Variants in FMR1NB observed in about 807,000 individuals in gnomAD.
FMR1NB encodes FMR1 neighbor, also known as FMR1 neighbor protein.
FMR1NB carries 10 observed loss-of-function variants against 16.8 expected under a neutral mutation model. The observed-to-expected ratio is 0.60, with a 90% CI of 0.37 to 1.01. The LOEUF (loss-of-function observed/expected upper bound fraction) is 1.01. FMR1NB is among the 50% of genes least tolerant of loss of function. The pLI is 0.01. For missense variants in FMR1NB, 205 were observed against 204.8 expected (o/e 1.00, Z 0.00); for synonymous variants, 83 against 79.1 (o/e 1.05, Z -0.26).
intron 1 of FMR1NB, among the ~76,000 whole-genome samples, chrX:147,995,489 A>C (rs1194719271): frequency 9.0e-6 from 1 of 111,534 alleles, no homozygotes; most frequent in African/African-American, 3.3e-5. Flanking sequence ...TTGCCTTTCA[A>C]GTTATATTTA....
chrX:148,002,169 T>C (rs1170308599), intron 1 of FMR1NB, among the ~76,000 whole-genome samples: 1 of 111,789 alleles, frequency 8.9e-6, no homozygotes, highest in Non-Finnish European at 1.9e-5. Flanking sequence ...GGATAACCAA[T>C]TACCTTGAAA....
intron 4 of FMR1NB, among the ~76,000 whole-genome samples, chrX:148,010,853 CT>C (rs782561997): frequency 9.0e-6 from 1 of 111,078 alleles, no homozygotes; most frequent in African/African-American, 3.3e-5. Context: ...CTGAGAATTC[CT>C]TTAAGAAAGA....
At chrX:148,023,940 C>T (rs998014703) in intron 4 of FMR1NB, among the ~76,000 whole-genome samples, 4 of 110,997 alleles carry the variant, frequency 3.6e-5, no homozygotes, top group Non-Finnish European at 7.6e-5. Flanking sequence ...GTTTGGTGAC[C>T]TCGGCAAGTT....
chrX:147,990,543 G>C (rs1050187289), intron 1 of FMR1NB, among the ~76,000 whole-genome samples: 13 of 111,616 alleles, frequency 1.2e-4, no homozygotes, highest in African/African-American at 4.2e-4. Flanking sequence ...ACAATGTGTA[G>C]TGATCAAATC....
At chrX:147,985,348 T>C (rs1292554607) in intron 1 of FMR1NB, among the ~76,000 whole-genome samples, 4 of 111,947 alleles carry the variant, frequency 3.6e-5, no homozygotes, top group African/African-American at 1.3e-4. Flanking sequence ...AGTTATGGGA[T>C]ACATGTGCAG....
chrX:147,997,403 A>G (rs1439258368), intron 1 of FMR1NB, among the ~76,000 whole-genome samples: 2 of 112,307 alleles, frequency 1.8e-5, no homozygotes, highest in East Asian at 5.6e-4. Flanking sequence ...CTGGCTAGCC[A>G]TATGCAGGAA....
At chrX:147,988,841 G>C (rs1276876565) in intron 1 of FMR1NB, among the ~76,000 whole-genome samples, 1 of 111,514 alleles carries the variant, frequency 9.0e-6, no homozygotes, top group African/African-American at 3.3e-5. Context: ...CTCGTGCTGT[G>C]TTTTTCAGCT....
intron 1 of FMR1NB, among the ~76,000 whole-genome samples, chrX:147,992,775 G>T (rs1207056672): frequency 1.3e-5 from 1 of 75,053 alleles, no homozygotes; most frequent in Non-Finnish European, 2.4e-5. Flanking sequence ...TCACATCCCA[G>T]ATGGGGTGGC....
chrX:148,005,324 G>A (rs1410445153), intron 2 of FMR1NB, among the ~76,000 whole-genome samples: 1 of 111,240 alleles, frequency 9.0e-6, no homozygotes, highest in Non-Finnish European at 1.9e-5. Context: ...AGCATTTCTG[G>A]GAAGTGGTGT....
intron 1 of FMR1NB, among the ~76,000 whole-genome samples, chrX:148,001,760 TAAAA>T (rs2044571727): frequency 1.8e-5 from 2 of 108,723 alleles, no homozygotes; most frequent in Non-Finnish European, 3.8e-5. Context: ...AAAAAAAAAA[TAAAA>T]GAAAAGATAA....
chrX:147,985,632 T>A (rs1167269266), intron 1 of FMR1NB, among the ~76,000 whole-genome samples: 4 of 112,086 alleles, frequency 3.6e-5, no homozygotes, highest in Non-Finnish European at 7.5e-5. Context: ...TCCATGTCCC[T>A]GCAAAGGACA....
Position 147,992,719 on chromosome X carries a change from C to T in FMR1NB, c.278-10482C>T, listed in dbSNP as rs1226959586. Reference sequence around the variant, plus strand: ...CTCAGACGGGGCGGCCGGGCAGAGACGCTCCTCACCTCCCAGACAGGGTCT... The same window carrying T: ...CTCAGACGGGGCGGCCGGGCAGAGATGCTCCTCACCTCCCAGACAGGGTCT... On this transcript the variant is annotated intron_variant, in intron 1 of 5. Coordinates refer to ENST00000370467, the MANE Select transcript of FMR1NB (RefSeq NM_152578.3). Among the ~76,000 whole-genome samples, 15 of 63,034 alleles carry T rather than the reference C, an allele frequency of 2.4e-4. No homozygotes were observed. In the East Asian group the frequency reaches 3.9e-3, roughly 17 times the overall value. 54.7% of individuals were successfully genotyped at this position (63,034 alleles called of 115,157 possible).
chrX:148,025,736 A>T (rs781967272), intron 5 of FMR1NB, among the ~76,000 whole-genome samples: 1 of 112,231 alleles, frequency 8.9e-6, no homozygotes, highest in African/African-American at 3.2e-5. Context: ...ATACCATCAT[A>T]GATTTTTTGT....
intron 1 of FMR1NB, among the ~76,000 whole-genome samples, chrX:147,993,868 A>C (rs2044527839): frequency 1.8e-5 from 2 of 110,031 alleles, no homozygotes; most frequent in Non-Finnish European, 3.8e-5. Flanking sequence ...CTTCCACTTA[A>C]TGGTCTTTCT....
rs1440423378 is a variant in FMR1NB, at chrX:148,024,864, G to A, written c.633-1G>A. ...TTTCACTTGAACTTTTTATGTTACA[G>A]CGAACCGGCCGATGATTTACAAAGG... On this transcript the variant is annotated splice_acceptor_variant, in intron 4 of 5. Transcript: ENST00000370467. LOFTEE classifies it high-confidence loss of function. 1 of 1,206,728 alleles carries A rather than the reference G, an allele frequency of 8.3e-7. No homozygotes were observed. The highest frequency in any genetic ancestry group is 1.1e-6 in the Non-Finnish European group (1 of 893,470).
intron 1 of FMR1NB, among the ~76,000 whole-genome samples, chrX:147,989,739 G>A (rs2044494622): frequency 9.0e-6 from 1 of 111,548 alleles, no homozygotes; most frequent in African/African-American, 3.3e-5. Context: ...ATCTAGAGAG[G>A]CTGTCTGGAC....
intron 1 of FMR1NB, among the ~76,000 whole-genome samples, chrX:147,991,074 C>T (rs1034549870): frequency 2.7e-5 from 3 of 111,116 alleles, no homozygotes; most frequent in Non-Finnish European, 3.8e-5. Flanking sequence ...CCTACCCTCC[C>T]GCATGTTCAC....
At chrX:148,020,779 C>T (rs782706765) in intron 4 of FMR1NB, among the ~76,000 whole-genome samples, 1 of 111,978 alleles carries the variant, frequency 8.9e-6, no homozygotes, top group South Asian at 3.7e-4. Flanking sequence ...ACAAAGTCTG[C>T]TTTACTCTTC....
chrX:148,005,177 C>T (rs781879727), intron 2 of FMR1NB, among the ~76,000 whole-genome samples: 7 of 112,546 alleles, frequency 6.2e-5, no homozygotes, highest in African/African-American at 1.3e-4. Context: ...CACTAGCCAT[C>T]GTGCCTGGCC....
Sources: gnomAD v4.1 joint callset for allele counts (sites outside exome capture counted in the v4.1 genomes callset) on GRCh38, gnomAD v4.1.1 for gene constraint, MANE v1.5 for transcripts, NCBI Gene and HGNC (gene_info 2026-07-23, HGNC 2026-07-21) for gene names.